GDPD4: variants seen among roughly 807,000 people sequenced by gnomAD.
GDPD4 encodes the protein glycerophosphodiester phosphodiesterase 6.
In GDPD4, 60 loss-of-function variants were observed where a neutral mutation model predicts 67.8. The observed-to-expected ratio is 0.88, with a 90% CI of 0.72 to 1.10. GDPD4 has a LOEUF of 1.10. Among genes scored for constraint, GDPD4 ranks in the 50% least tolerant of loss-of-function variants. The probability of loss-of-function intolerance (pLI) is 0.00; values close to 1 mark genes in which losing one functional copy is unlikely to be tolerated. For synonymous variants in GDPD4, 212 were observed against 210.9 expected, an observed-to-expected ratio of 1.00 and a Z score of -0.04; for missense variants, 623 against 613.9, an observed-to-expected ratio of 1.01 and a Z score of -0.16.
chr11:77,262,430 T>G (rs1247240154), intron 10 of GDPD4, among the ~76,000 whole-genome samples: 2 of 152,170 alleles, frequency 1.3e-5, no homozygotes, highest in Non-Finnish European at 2.9e-5. Flanking sequence ...TGGACAGAAA[T>G]ATAGCTCTAA....
intron 10 of GDPD4, among the ~76,000 whole-genome samples, chr11:77,259,601 G>A (rs1278901093): frequency 2.7e-5 from 4 of 150,388 alleles, no homozygotes; most frequent in Admixed American, 6.6e-5. Flanking sequence ...CAATTCCATC[G>A]CCCAGGCTTC....
chr11:77,289,150 T>A (rs1053409592), intron 1 of GDPD4, among the ~76,000 whole-genome samples: 19 of 151,806 alleles, frequency 1.3e-4, no homozygotes, highest in Non-Finnish European at 1.6e-4. Context: ...TCATTTGAGG[T>A]CAGGAGTTCG....
chr11:77,257,306 C>T (rs530999764), intron 11 of GDPD4, among the ~76,000 whole-genome samples: 4 of 152,060 alleles, frequency 2.6e-5, no homozygotes, highest in East Asian at 3.9e-4. Flanking sequence ...AGCTAGAAAA[C>T]GTAGGTTGTT....
At chr11:77,245,237 T>C (rs374487421) in intron 12 of GDPD4, 44 bp downstream of exon 12, 481 of 1,487,164 alleles carry the variant, frequency 3.2e-4, no homozygotes, top group Middle Eastern at 1.7e-4. Context: ...TAGGACATGC[T>C]ACCCACCTCC....
intron 10 of GDPD4, 26 bp from the exon 11 acceptor site, chr11:77,258,568 C>T (rs148786912): frequency 1.1e-5 from 17 of 1,612,346 alleles, no homozygotes; most frequent in Non-Finnish European, 1.4e-5. Flanking sequence ...AAAAGAAGGG[C>T]AGGGGTAGAT....
At chr11:77,236,117 G>A (rs1958562774) in intron 13 of GDPD4, among the ~76,000 whole-genome samples, 1 of 152,180 alleles carries the variant, frequency 6.6e-6, no homozygotes, top group East Asian at 1.9e-4. Context: ...TGATGGTAAT[G>A]TAAACCTAAC....
At chr11:77,282,748 G>A (rs1959821152) in intron 3 of GDPD4, among the ~76,000 whole-genome samples, 1 of 151,934 alleles carries the variant, frequency 6.6e-6, no homozygotes, top group Non-Finnish European at 1.5e-5. Context: ...GTAGCATTAG[G>A]AAGAATATGG....
chr11:77,223,804 G>GGAGTCTACAGAGGCAGGGGCCTCC (rs1555113630), intron 16 of GDPD4, among the ~76,000 whole-genome samples: 9 of 152,186 alleles, frequency 5.9e-5, no homozygotes, highest in African/African-American at 2.2e-4. Context: ...CCCCAGAGGT[G>GGAGTCTACAGAGGCAGGGGCCTCC]GAGTCTACAG....
chr11:77,235,802 A>T (rs540451945), intron 13 of GDPD4, among the ~76,000 whole-genome samples: 16 of 152,276 alleles, frequency 1.1e-4, no homozygotes, highest in East Asian at 3.9e-4. Flanking sequence ...AAAAAATTTT[A>T]AAAAATAGCC....
chr11:77,228,542 G>A (rs1048311290), intron 15 of GDPD4, among the ~76,000 whole-genome samples: 3 of 137,856 alleles, frequency 2.2e-5, no homozygotes, highest in Non-Finnish European at 3.1e-5. Flanking sequence ...GCCAGGCACA[G>A]TGGCAGGCAC....
intron 7 of GDPD4, 162 bp downstream of exon 7, chr11:77,270,968 G>A (rs1026296461): frequency 1.7e-6 from 1 of 595,232 alleles, no homozygotes; most frequent in Non-Finnish European, 2.9e-6. Flanking sequence ...ACTATAACAG[G>A]GTAGTGAGTG....
At chr11:77,235,013 T>TG (rs1308715480) in intron 13 of GDPD4, among the ~76,000 whole-genome samples, 2 of 53,060 alleles carry the variant, frequency 3.8e-5, no homozygotes, top group Non-Finnish European at 7.6e-5. Flanking sequence ...ATATCTGTTT[T>TG]TTTTTTTTTT....
In GDPD4 at chr11:77,243,759, G is replaced by T; in HGVS notation, c.1176C>A (p.Thr392=). The T allele has an allele frequency of 6.2e-7, 1 of 1,611,122 alleles. No individual in the cohort carries two copies. Among genetic ancestry groups the T allele is most frequent in the Non-Finnish European group, 8.5e-7 (1 of 1,177,270 alleles). The change falls in exon 13 of 17, where the codon ACC becomes ACA. Residue 392 remains threonine, a synonymous_variant. Coordinates refer to ENST00000315938, the MANE Select transcript of GDPD4 (RefSeq NM_182833.3). ...QHVGRLVSIE[T]LAKNNISIIN... ...TTATACTGATATTGTTTTTAGCAAG[G>T]GTTTCAATGGATACTAAACGGCCCA... is the stretch of plus-strand genomic sequence containing the variant.
chr11:77,241,466 C>T (rs116101094), intron 13 of GDPD4, among the ~76,000 whole-genome samples: 92 of 151,940 alleles, frequency 6.1e-4, no homozygotes, highest in African/African-American at 2.0e-3. Flanking sequence ...AGCAAGACCA[C>T]GTCTCTATGC....
intron 16 of GDPD4, among the ~76,000 whole-genome samples, chr11:77,222,276 G>C (rs1309818518): frequency 1.3e-5 from 2 of 152,194 alleles, no homozygotes; most frequent in East Asian, 3.8e-4. Context: ...GATGTTAGCT[G>C]GTTATTTTGC....
At chr11:77,229,038 G>T in intron 15 of GDPD4, 112 bp downstream of exon 15, 1 of 568,852 alleles carries the variant, frequency 1.8e-6, no homozygotes, top group East Asian at 3.0e-5. Context: ...GATTATAAAC[G>T]CCATCTTGCC....
At chr11:77,286,856 G>A (rs976950193) in intron 2 of GDPD4, 3 of 152,186 alleles carry the variant, frequency 2.0e-5, no homozygotes, top group Admixed American at 6.5e-5. Flanking sequence ...TCACAGAGGA[G>A]AGCAAATTAC....
chr11:77,268,833 C>T, intron 9 of GDPD4, 91 bp downstream of exon 9: 1 of 1,339,250 alleles, frequency 7.5e-7, no homozygotes, highest in Non-Finnish European at 1.0e-6. Context: ...CACTTTTTCT[C>T]TCCAGGGGCT....
intron 11 of GDPD4, among the ~76,000 whole-genome samples, chr11:77,257,331 C>G (rs1411957723): frequency 6.6e-6 from 1 of 152,146 alleles, no homozygotes; most frequent in Non-Finnish European, 1.5e-5. Flanking sequence ...TTTCTTTAAT[C>G]TATCTTGAGA....
Sources: allele counts gnomAD v4.1 joint callset (sites outside exome capture counted in the v4.1 genomes callset), GRCh38; gene constraint gnomAD v4.1.1; transcripts MANE v1.5; gene names NCBI Gene and HGNC (gene_info 2026-07-23, HGNC 2026-07-21).